Variants in RAB27B observed in about 807,000 individuals in gnomAD.
The protein encoded by RAB27B is ras-related protein Rab-27B.
RAB27B carries 15 observed loss-of-function variants against 24.6 expected under a neutral mutation model. The observed-to-expected ratio is 0.61, with a 90% CI of 0.41 to 0.94. The LOEUF (loss-of-function observed/expected upper bound fraction) is 0.94. Among genes scored for constraint, RAB27B ranks in the 40% least tolerant of loss-of-function variants. RAB27B has a pLI of 0.00. For missense variants in RAB27B, 261 were observed against 266.8 expected (o/e 0.98, Z 0.15); for synonymous variants, 105 against 92.5 (o/e 1.14, Z -0.78).
intron 2 of RAB27B, among the ~76,000 whole-genome samples, chr18:54,812,810 C>G (rs985249302): frequency 1.3e-5 from 2 of 151,996 alleles, no homozygotes; most frequent in Non-Finnish European, 2.9e-5. Context: ...TATATACAAG[C>G]ACACATATAT....
At chr18:54,757,099 C>T (rs1324070656) in intron 2 of RAB27B, among the ~76,000 whole-genome samples, 1 of 152,120 alleles carries the variant, frequency 6.6e-6, no homozygotes, top group African/African-American at 2.4e-5. Flanking sequence ...GACCAGTGGT[C>T]CTGGTTTCAG....
intron 2 of RAB27B, among the ~76,000 whole-genome samples, chr18:54,735,686 A>AT (rs984657215): frequency 1.4e-4 from 21 of 151,800 alleles, no homozygotes; most frequent in African/African-American, 4.8e-4. Flanking sequence ...TTAATTTTTT[A>AT]TTTTTTTATA....
At chr18:54,771,951 T>G (rs1320191931) in intron 2 of RAB27B, among the ~76,000 whole-genome samples, 1 of 152,208 alleles carries the variant, frequency 6.6e-6, no homozygotes, top group Admixed American at 6.5e-5. Flanking sequence ...ATATCATCTC[T>G]ATTACTTAAT....
At chr18:54,729,412 T>C (rs1358514748) in intron 2 of RAB27B, among the ~76,000 whole-genome samples, 2 of 152,106 alleles carry the variant, frequency 1.3e-5, no homozygotes, top group Admixed American at 1.3e-4. Context: ...AAGAAGGATA[T>C]CTAGAAAGGA....
intron 2 of RAB27B, among the ~76,000 whole-genome samples, chr18:54,795,889 A>G (rs753680756): frequency 2.0e-5 from 3 of 152,156 alleles, no homozygotes; most frequent in Non-Finnish European, 2.9e-5. Flanking sequence ...TTTTTATTTA[A>G]ATAACTTTAT....
chr18:54,749,203 A>G (rs1568051412), intron 2 of RAB27B, among the ~76,000 whole-genome samples: 1 of 152,186 alleles, frequency 6.6e-6, no homozygotes, highest in Non-Finnish European at 1.5e-5. Context: ...TCTTCCTTAG[A>G]TAAGAAAATT....
At chr18:54,755,381 C>T (rs1004366139) in intron 2 of RAB27B, among the ~76,000 whole-genome samples, 2 of 152,124 alleles carry the variant, frequency 1.3e-5, no homozygotes, top group African/African-American at 4.8e-5. Flanking sequence ...CAGAGCAAGA[C>T]TCCATCTCAA....
intron 1 of RAB27B, among the ~76,000 whole-genome samples, chr18:54,834,370 G>A (rs1056731817): frequency 3.9e-5 from 6 of 152,210 alleles, no homozygotes; most frequent in African/African-American, 1.4e-4. Flanking sequence ...GTCAAATATT[G>A]CTAGTGTTGA....
At chr18:54,846,304 C>T (rs1175557877) in intron 1 of RAB27B, among the ~76,000 whole-genome samples, 1 of 152,182 alleles carries the variant, frequency 6.6e-6, no homozygotes, top group South Asian at 2.1e-4. Context: ...CTGTTTTGCT[C>T]AGTTGATGAA....
intron 2 of RAB27B, among the ~76,000 whole-genome samples, chr18:54,779,531 C>A (rs889635751): frequency 3.3e-5 from 5 of 152,114 alleles, no homozygotes; most frequent in Non-Finnish European, 7.4e-5. Context: ...GTTACTAGGA[C>A]ATGACCAAAC....
At chr18:54,878,093 C>T (rs1223210714) in intron 2 of RAB27B, among the ~76,000 whole-genome samples, 1 of 152,112 alleles carries the variant, frequency 6.6e-6, no homozygotes, top group African/African-American at 2.4e-5. Context: ...TCAATAAGAG[C>T]AAGTGATCAT....
chr18:54,828,214 TTGAA>T (rs1240388002), upstream of RAB27B: 1 of 152,112 alleles, frequency 6.6e-6, no homozygotes, highest in Non-Finnish European at 1.5e-5. Flanking sequence ...CCTGGGCTCT[TTGAA>T]TGAGAGACAT....
intron 2 of RAB27B, among the ~76,000 whole-genome samples, chr18:54,738,467 T>C (rs1001122651): frequency 2.6e-5 from 4 of 152,144 alleles, no homozygotes; most frequent in Non-Finnish European, 5.9e-5. Flanking sequence ...CGGTTTCCTC[T>C]CTTGCTGTCT....
intron 2 of RAB27B, among the ~76,000 whole-genome samples, chr18:54,746,809 A>C (rs1343178859): frequency 6.6e-6 from 1 of 152,300 alleles, no homozygotes; most frequent in East Asian, 1.9e-4. Context: ...TTAAATACTT[A>C]ATGCATAAGA....
chr18:54,735,515 A>C (rs146771396), intron 2 of RAB27B, among the ~76,000 whole-genome samples: 3 of 151,944 alleles, frequency 2.0e-5, no homozygotes, highest in Non-Finnish European at 4.4e-5. Flanking sequence ...CTTATTTCAG[A>C]TAATTTTTCT....
chr18:54,735,209 A>G (rs1279681176), intron 2 of RAB27B, among the ~76,000 whole-genome samples: 1 of 152,220 alleles, frequency 6.6e-6, no homozygotes, highest in Admixed American at 6.5e-5. Flanking sequence ...TTAATAACAA[A>G]AAATGAGACA....
chr18:54,883,726 C>T (rs1913018721), intron 3 of RAB27B, among the ~76,000 whole-genome samples: 1 of 152,096 alleles, frequency 6.6e-6, no homozygotes, highest in Admixed American at 6.6e-5. Flanking sequence ...TCTTTTCTGT[C>T]CTGACCCCCA....
At chr18:54,849,558 A>G (rs9958033) in intron 1 of RAB27B, among the ~76,000 whole-genome samples, 4,891 of 152,094 alleles carry the variant, frequency 0.032, 241 homozygotes, top group African/African-American at 0.11. Flanking sequence ...TGTCTCTACT[A>G]AAAAATATAA....
intron 1 of RAB27B, among the ~76,000 whole-genome samples, chr18:54,837,647 A>G (rs950301249): frequency 2.0e-5 from 3 of 152,140 alleles, no homozygotes; most frequent in African/African-American, 7.2e-5. Context: ...CCTGGAAAGA[A>G]GGAGGTGGAG....
Sources: gnomAD v4.1 joint callset for allele counts (sites outside exome capture counted in the v4.1 genomes callset) on GRCh38, gnomAD v4.1.1 for gene constraint, MANE v1.5 for transcripts, NCBI Gene and HGNC (gene_info 2026-07-23, HGNC 2026-07-21) for gene names.